Variants in CLEC16A observed in about 807,000 individuals in gnomAD.
CLEC16A encodes C-type lectin domain containing 16A.
A neutral mutation model predicts 109.5 loss-of-function variants in CLEC16A; 51 were observed. The observed-to-expected ratio is 0.47, with a 90% CI of 0.37 to 0.59. CLEC16A has a LOEUF of 0.59. Ranked by LOEUF, CLEC16A falls within the 20% of genes least tolerant of loss-of-function variation. The probability of loss-of-function intolerance (pLI) is 0.00; values close to 1 mark genes in which losing one functional copy is unlikely to be tolerated. For missense variants in CLEC16A, 1,339 were observed against 1,394.0 expected, an observed-to-expected ratio of 0.96 and a Z score of 0.63; for synonymous variants, 673 against 564.2, an observed-to-expected ratio of 1.19 and a Z score of -2.73.
chr16:10,944,705 C>G lies in CLEC16A; in HGVS notation c.-13C>G. ...TGAGACCGTGAGACGAGAGACGGGT[C>G]GGGGCCGCCGACATGTTTGGCCGCT... On this transcript the variant is annotated 5_prime_UTR_variant, in exon 1 of 24. Transcript: ENST00000409790. The G allele has an allele frequency of 6.3e-7, 1 of 1,599,706 alleles. No homozygotes were observed. The highest frequency in any genetic ancestry group is 8.5e-7 in the Non-Finnish European group (1 of 1,173,848).
At chr16:11,020,011 G>A (rs1198966257) in intron 11 of CLEC16A, among the ~76,000 whole-genome samples, 182 bp from the exon 12 acceptor site, 1 of 152,246 alleles carries the variant, frequency 6.6e-6, no homozygotes, top group Non-Finnish European at 1.5e-5. Flanking sequence ...TGGAAAGAGA[G>A]GCTCTGGCCT....
chr16:11,122,363 C>G (rs1282591601), intron 20 of CLEC16A, among the ~76,000 whole-genome samples: 1 of 152,232 alleles, frequency 6.6e-6, no homozygotes, highest in Non-Finnish European at 1.5e-5. Flanking sequence ...GCTTATCTAT[C>G]TAGGCTTTAT....
intron 10 of CLEC16A, among the ~76,000 whole-genome samples, chr16:10,986,635 C>T (rs2043675446): frequency 6.6e-6 from 1 of 151,944 alleles, no homozygotes; most frequent in Non-Finnish European, 1.5e-5. Context: ...AATCGTGCAG[C>T]ATTTGTCTTT....
At chr16:11,026,783 C>G (rs374964235) in intron 13 of CLEC16A, among the ~76,000 whole-genome samples, 3 of 151,680 alleles carry the variant, frequency 2.0e-5, no homozygotes, top group African/African-American at 7.3e-5. Context: ...GAAACTGTAA[C>G]TTACAAGAAA....
At chr16:11,100,381 C>T (rs970458524) in intron 19 of CLEC16A, among the ~76,000 whole-genome samples, 5 of 152,230 alleles carry the variant, frequency 3.3e-5, no homozygotes, top group African/African-American at 4.8e-5. Flanking sequence ...GTGATGCACA[C>T]GGCCCGGCCA....
intron 10 of CLEC16A, among the ~76,000 whole-genome samples, chr16:10,995,296 C>T (rs1481002015): frequency 6.6e-6 from 1 of 152,178 alleles, no homozygotes; most frequent in African/African-American, 2.4e-5. Context: ...GCAGTGGAGC[C>T]AGGACTGAAA....
At chr16:11,077,501 A>G (rs2049444914) in intron 19 of CLEC16A, among the ~76,000 whole-genome samples, 1 of 151,560 alleles carries the variant, frequency 6.6e-6, no homozygotes, top group Non-Finnish European at 1.5e-5. Flanking sequence ...AAAGAAAAGA[A>G]AAAACATTAG....
chr16:11,164,883 G>C lies in CLEC16A; in HGVS notation c.2642-1505G>C, dbSNP rs552677430. 3.9e-5 allele frequency among the ~76,000 whole-genome samples: 6 copies of C among 152,360 alleles called. No homozygotes were observed. In the East Asian group the frequency reaches 1.2e-3, roughly 29 times the overall value. On this transcript the variant is annotated intron_variant, in intron 22 of 23. Coordinates refer to ENST00000409790, the MANE Select transcript of CLEC16A (RefSeq NM_015226.3). ...CTTCTGGAAGTAGTGTTAGTAGAGAGCTGGACCGTGTGAAGTTCAGGCAGG... is the reference window on the plus strand; with the variant it reads ...CTTCTGGAAGTAGTGTTAGTAGAGACCTGGACCGTGTGAAGTTCAGGCAGG...
intron 13 of CLEC16A, among the ~76,000 whole-genome samples, chr16:11,038,360 G>C (rs1474635925): frequency 6.6e-6 from 1 of 152,106 alleles, no homozygotes; most frequent in Non-Finnish European, 1.5e-5. Context: ...AAAAGACGTG[G>C]TACAAGCGCA....
At chr16:11,172,235 CAT>C (rs1307926294) in intron 23 of CLEC16A, among the ~76,000 whole-genome samples, 1 of 151,696 alleles carries the variant, frequency 6.6e-6, no homozygotes, top group Non-Finnish European at 1.5e-5. Flanking sequence ...TGCACACACT[CAT>C]ACAGTCACAC....
At chr16:11,144,916 C>T (rs1238306521) in intron 22 of CLEC16A, among the ~76,000 whole-genome samples, 2 of 152,098 alleles carry the variant, frequency 1.3e-5, no homozygotes, top group Non-Finnish European at 2.9e-5. Flanking sequence ...GATGGCCCTG[C>T]CCTCATGGAG....
At chr16:11,006,518 A>C (rs894098579) in intron 11 of CLEC16A, among the ~76,000 whole-genome samples, 2 of 152,134 alleles carry the variant, frequency 1.3e-5, no homozygotes, top group Non-Finnish European at 2.9e-5. Context: ...GGACTTATCG[A>C]CAGATGGACA....
At chr16:11,034,786 T>G (rs2046931742) in intron 13 of CLEC16A, among the ~76,000 whole-genome samples, 1 of 152,140 alleles carries the variant, frequency 6.6e-6, no homozygotes, top group Non-Finnish European at 1.5e-5. Context: ...AATAGGATAA[T>G]ATATTATCCA....
rs557866025 is a variant in CLEC16A at position 11,162,905 on chromosome 16, G to A, written c.2642-3483G>A. Among the ~76,000 whole-genome samples, 16 of 152,210 alleles carry A rather than the reference G, an allele frequency of 1.1e-4. 1 individual carries two copies. The South Asian group carries it at 3.1e-3, about 30-fold the overall frequency. On this transcript the variant is annotated intron_variant, in intron 22 of 23. Coordinates refer to ENST00000409790, the MANE Select transcript of CLEC16A (RefSeq NM_015226.3). ...GCTGCAGGTGTGGAATTGGTCAGAT[G>A]GTGTGAAAGTCCATGCAGCCTCTGA...
intron 11 of CLEC16A, among the ~76,000 whole-genome samples, chr16:11,006,436 A>G (rs1281737387): frequency 6.6e-6 from 1 of 152,124 alleles, no homozygotes; most frequent in Non-Finnish European, 1.5e-5. Context: ...CTATTTTGAG[A>G]TAGACATGCG....
At chr16:11,037,261 C>A (rs936380328) in intron 13 of CLEC16A, among the ~76,000 whole-genome samples, 1 of 152,176 alleles carries the variant, frequency 6.6e-6, no homozygotes, top group African/African-American at 2.4e-5. Flanking sequence ...TGTGTGGGTG[C>A]TGCCACCCTT....
At chr16:11,126,868 C>T (rs1335996341) in intron 22 of CLEC16A, 1 of 152,262 alleles carries the variant, frequency 6.6e-6, no homozygotes, top group Non-Finnish European at 1.5e-5. Flanking sequence ...AACCCCTCCC[C>T]ATATAGGGCT....
intron 9 of CLEC16A, among the ~76,000 whole-genome samples, 166 bp from the exon 10 acceptor site, chr16:10,982,712 A>G (rs1744268260): frequency 6.6e-6 from 1 of 152,208 alleles, no homozygotes; most frequent in African/African-American, 2.4e-5. Context: ...ACAAGAGTGG[A>G]ACCGAGTCCT....
At chr16:11,160,378 G>A (rs1196511353) in intron 22 of CLEC16A, among the ~76,000 whole-genome samples, 1 of 152,108 alleles carries the variant, frequency 6.6e-6, no homozygotes, top group Non-Finnish European at 1.5e-5. Context: ...TCTGTGACCA[G>A]GTGTGAACCC....
Sources: gnomAD v4.1 joint callset for allele counts (sites outside exome capture counted in the v4.1 genomes callset) on GRCh38, gnomAD v4.1.1 for gene constraint, MANE v1.5 for transcripts, NCBI Gene and HGNC (gene_info 2026-07-23, HGNC 2026-07-21) for gene names.